The following LANCL2 variants were observed in gnomAD, a reference collection of about 807,000 sequenced individuals.
LANCL2 encodes the protein LanC like glutathione S-transferase 2.
Under a neutral mutation model 56.9 loss-of-function variants are expected in LANCL2, and 33 were observed. That is an observed-to-expected ratio of 0.58 (90% confidence interval 0.44 to 0.78). The LOEUF is 0.78. Ranked by LOEUF, LANCL2 falls within the 30% of genes least tolerant of loss-of-function variation. The pLI is 0.00. For synonymous variants in LANCL2, 233 were observed against 228.2 expected (o/e 1.02, Z -0.19); for missense variants, 562 against 580.2 (o/e 0.97, Z 0.32).
At chr7:55,405,894 T>C (rs1192691387) in intron 5 of LANCL2, among the ~76,000 whole-genome samples, 1 of 31,088 alleles carries the variant, frequency 3.2e-5, no homozygotes, top group Non-Finnish European at 6.6e-5. Context: ...GGCAGTGGCG[T>C]GGTAGAGCCA....
intron 1 of LANCL2, among the ~76,000 whole-genome samples, chr7:55,377,872 A>G (rs1790020815): frequency 6.6e-6 from 1 of 152,210 alleles, no homozygotes; most frequent in Non-Finnish European, 1.5e-5. Context: ...ACATATTTCT[A>G]TTCATATGGT....
At chr7:55,423,047 C>G (rs984067453) in intron 6 of LANCL2, among the ~76,000 whole-genome samples, 1 of 152,204 alleles carries the variant, frequency 6.6e-6, no homozygotes, top group African/African-American at 2.4e-5. Context: ...CCCAGGGAAA[C>G]TTACCATTTG....
At chr7:55,430,304 G>A (rs1790713761) in intron 8 of LANCL2, among the ~76,000 whole-genome samples, 1 of 152,186 alleles carries the variant, frequency 6.6e-6, no homozygotes, top group Non-Finnish European at 1.5e-5. Flanking sequence ...GTAAGAAGGG[G>A]CCAACTATGA....
rs905941047 is a variant in LANCL2 at position 55,432,718 on chromosome 7, G to A, written c.*1398G>A. On this transcript the variant is annotated 3_prime_UTR_variant, in exon 9 of 9. Coordinates refer to ENST00000254770, the MANE Select transcript of LANCL2 (RefSeq NM_018697.4). ...TAGGAGAAAAGCTTCCTTTTTACTT[G>A]TGTGGTTATGTGTGGGGCTGGCACC... 6.6e-6 allele frequency: 1 copy of A among 152,244 alleles called. No individual in the cohort carries two copies. Among genetic ancestry groups the A allele is most frequent in the African/African-American group, 2.4e-5 (1 of 41,462 alleles). The allele number at this position is 152,244 out of a possible 1,614,324, so 9.4% of individuals were successfully genotyped here.
intron 6 of LANCL2, 98 bp downstream of exon 6, chr7:55,412,187 C>CTT: frequency 9.2e-7 from 1 of 1,082,800 alleles, no homozygotes. Flanking sequence ...TGACTGTACA[C>CTT]TAAAAACCTT....
At chr7:55,384,860 C>G (rs1026515224) in intron 1 of LANCL2, among the ~76,000 whole-genome samples, 1 of 152,114 alleles carries the variant, frequency 6.6e-6, no homozygotes, top group Non-Finnish European at 1.5e-5. Flanking sequence ...AAGATTAAAA[C>G]ACTACCATCA....
intron 5 of LANCL2, among the ~76,000 whole-genome samples, chr7:55,408,009 G>A (rs1790429286): frequency 1.3e-5 from 2 of 152,204 alleles, no homozygotes; most frequent in South Asian, 4.1e-4. Flanking sequence ...GAAAGATGGA[G>A]ACCTGAACAA....
chr7:55,414,587 T>G (rs2128995478), intron 6 of LANCL2, among the ~76,000 whole-genome samples: 1 of 152,294 alleles, frequency 6.6e-6, no homozygotes, highest in African/African-American at 2.4e-5. Context: ...CTGTAGATGC[T>G]CATCATGTGT....
rs180926854 is a variant in LANCL2 at position 55,430,979 on chromosome 7, C to T, written c.1259-247C>T. ...ATTCTGTGATGCCACCTTAAAGTTT[C>T]AAGATATAAGATTAAAGCCCAGTAA... On this transcript the variant is annotated intron_variant, in intron 8 of 8. Transcript: ENST00000254770. Among the ~76,000 whole-genome samples, 17 of 152,288 alleles carry T rather than the reference C, an allele frequency of 1.1e-4. No homozygotes were observed. In the East Asian group the frequency reaches 2.9e-3, roughly 26 times the overall value.
chr7:55,401,064 G>C lies in LANCL2; in HGVS notation c.679-110G>C, dbSNP rs1790316448. On this transcript the variant is annotated intron_variant, in intron 4 of 8. Transcript: ENST00000254770. ...ACTGCTTAAAGACTTTTAGATTAAG[G>C]CTTCTGCCTCTCTCTCTATATATGT... is the stretch of plus-strand genomic sequence containing the variant. 5 of 724,322 alleles carry C rather than the reference G, an allele frequency of 6.9e-6. 1 individual carries two copies. Among genetic ancestry groups the C allele is most frequent in the South Asian group, 7.6e-5 (2 of 26,284 alleles). The allele number at this position is 724,322 out of a possible 1,614,324, so 44.9% of individuals were successfully genotyped here. A position where few individuals can be genotyped will look rare whatever the true frequency, so the allele number is the denominator to read the frequency against.
At chr7:55,381,275 C>T (rs978558180) in intron 1 of LANCL2, among the ~76,000 whole-genome samples, 1 of 152,158 alleles carries the variant, frequency 6.6e-6, no homozygotes, top group African/African-American at 2.4e-5. Context: ...ACATGGTGCA[C>T]TCAGTGGCGG....
chr7:55,408,220 A>G (rs1193041279), intron 5 of LANCL2, among the ~76,000 whole-genome samples: 1 of 152,246 alleles, frequency 6.6e-6, no homozygotes, highest in East Asian at 1.9e-4. Flanking sequence ...GCAAAGTCAC[A>G]TATCTTAGAA....
At chr7:55,413,397 C>T (rs1790492297) in intron 6 of LANCL2, among the ~76,000 whole-genome samples, 1 of 152,202 alleles carries the variant, frequency 6.6e-6, no homozygotes, top group Non-Finnish European at 1.5e-5. Context: ...AACTCCTTTT[C>T]CCTTCACTTT....
At position 55,410,699 on chromosome 7, in the gene LANCL2, CAT is replaced by C. The variant is rs1292563617; in HGVS notation, c.826-1207_826-1206del. ...TGGTGCTAACATGTCACTTTAAAGA[CAT>C]TGTGTGGTGTTAACATGTCACCCTG... On this transcript the variant is annotated intron_variant, in intron 5 of 8. Coordinates refer to ENST00000254770, the MANE Select transcript of LANCL2 (RefSeq NM_018697.4). Among the ~76,000 whole-genome samples the C allele has an allele frequency of 2.6e-5, 4 of 152,300 alleles. No individual in the cohort carries two copies. The East Asian group carries it at 7.7e-4, about 29-fold the overall frequency.
At chr7:55,411,835 T>C (rs1790473049) in intron 5 of LANCL2, 72 bp from the exon 6 acceptor site, 2 of 1,370,536 alleles carry the variant, frequency 1.5e-6, no homozygotes, top group Admixed American at 2.2e-5. Context: ...TGATGTTTTG[T>C]TAGCCATGAT....
At chr7:55,401,451 C>G in intron 5 of LANCL2, 131 bp downstream of exon 5, 1 of 533,288 alleles carries the variant, frequency 1.9e-6, no homozygotes, top group Non-Finnish European at 3.1e-6. Context: ...AACTCTGCCA[C>G]ATAAACCACA....
At chr7:55,368,954 G>A (rs565497597) in intron 1 of LANCL2, among the ~76,000 whole-genome samples, 2 of 152,268 alleles carry the variant, frequency 1.3e-5, no homozygotes, top group African/African-American at 2.4e-5. Flanking sequence ...AGACTAGCCT[G>A]GGCAACATAG....
chr7:55,386,436 C>A (rs549422754), intron 1 of LANCL2, among the ~76,000 whole-genome samples: 30 of 152,140 alleles, frequency 2.0e-4, no homozygotes, highest in African/African-American at 7.0e-4. Context: ...CCTGACTTCC[C>A]GCAACATGAC....
chr7:55,430,481 G>A (rs930179894), intron 8 of LANCL2, among the ~76,000 whole-genome samples: 1 of 152,184 alleles, frequency 6.6e-6, no homozygotes, highest in Non-Finnish European at 1.5e-5. Context: ...GGGATGGGAG[G>A]GACTGGAGAG....
Sources: gnomAD v4.1 joint callset for allele counts (sites outside exome capture counted in the v4.1 genomes callset) on GRCh38, gnomAD v4.1.1 for gene constraint, MANE v1.5 for transcripts, NCBI Gene and HGNC (gene_info 2026-07-23, HGNC 2026-07-21) for gene names.